Variants in PRKAG2 observed in about 807,000 individuals in gnomAD.
PRKAG2 encodes 5'-AMP-activated protein kinase subunit gamma-2.
PRKAG2 carries 26 observed loss-of-function variants against 69.6 expected under a neutral mutation model. The observed-to-expected ratio is 0.37, with a 90% CI of 0.27 to 0.52. The LOEUF (loss-of-function observed/expected upper bound fraction) is 0.52, where lower values mean the gene tolerates loss of function less well. Ranked by LOEUF, PRKAG2 falls within the 20% of genes least tolerant of loss-of-function variation. The probability of loss-of-function intolerance (pLI) is 0.90; values close to 1 mark genes in which losing one functional copy is unlikely to be tolerated. For missense variants in PRKAG2, 557 were observed against 740.0 expected (o/e 0.75, Z 2.87); for synonymous variants, 293 against 285.0 (o/e 1.03, Z -0.28).
At chr7:151,596,020 T>TAAAATA (rs1314408688) in intron 5 of PRKAG2, among the ~76,000 whole-genome samples, 2 of 149,094 alleles carry the variant, frequency 1.3e-5, no homozygotes, top group African/African-American at 2.5e-5. Context: ...ACTAATAAAA[T>TAAAATA]AAAATAAAAA....
At chr7:151,752,483 G>C (rs1027543080) in intron 3 of PRKAG2, among the ~76,000 whole-genome samples, 1 of 152,152 alleles carries the variant, frequency 6.6e-6, no homozygotes, top group Non-Finnish European at 1.5e-5. Context: ...AAATACGTGG[G>C]TGATGAAATA....
At chr7:151,644,194 G>A (rs1323663254) in intron 4 of PRKAG2, among the ~76,000 whole-genome samples, 1 of 152,076 alleles carries the variant, frequency 6.6e-6, no homozygotes, top group Non-Finnish European at 1.5e-5. Flanking sequence ...ACTTACTCAT[G>A]TAAGTTCATG....
At chr7:151,852,236 C>T (rs181486246) in intron 1 of PRKAG2, among the ~76,000 whole-genome samples, 19 of 152,198 alleles carry the variant, frequency 1.2e-4, no homozygotes, top group Admixed American at 2.6e-4. Flanking sequence ...CACAGAAACT[C>T]GTGCCTGTAA....
intron 3 of PRKAG2, among the ~76,000 whole-genome samples, chr7:151,745,173 G>A (rs182827673): frequency 6.0e-4 from 92 of 152,214 alleles, no homozygotes; most frequent in Middle Eastern, 6.8e-3. Flanking sequence ...GAACCTTTGC[G>A]GATCACGAGG....
At chr7:151,857,042 C>T (rs185540599) in intron 1 of PRKAG2, among the ~76,000 whole-genome samples, 15 of 150,630 alleles carry the variant, frequency 1.0e-4, no homozygotes, top group Admixed American at 3.3e-4. Flanking sequence ...AGACACTAAC[C>T]AGTGTAATTT....
chr7:151,825,960 T>G (rs962714891), intron 1 of PRKAG2, among the ~76,000 whole-genome samples: 64 of 152,222 alleles, frequency 4.2e-4, no homozygotes, highest in African/African-American at 1.5e-3. Context: ...GACCAATTAG[T>G]CTCGGTTTAC....
At chr7:151,675,855 T>C (rs1382009421) in intron 3 of PRKAG2, among the ~76,000 whole-genome samples, 1 of 150,526 alleles carries the variant, frequency 6.6e-6, no homozygotes, top group Non-Finnish European at 1.5e-5. Flanking sequence ...TCACCATTCC[T>C]GGTGCCCAAA....
At chr7:151,623,479 A>ATCTGATAG (rs1380107121) in intron 5 of PRKAG2, among the ~76,000 whole-genome samples, 5 of 148,620 alleles carry the variant, frequency 3.4e-5, no homozygotes, top group African/African-American at 1.2e-4. Flanking sequence ...GCTGCTGTTG[A>ATCTGATAG]TCTGATAGGA....
intron 6 of PRKAG2, among the ~76,000 whole-genome samples, chr7:151,588,497 G>C (rs896548184): frequency 6.6e-6 from 1 of 151,926 alleles, no homozygotes; most frequent in African/African-American, 2.4e-5. Context: ...CAAATAGCTG[G>C]GACCACAGGT....
rs1284657230 is a variant in PRKAG2 at position 151,814,949 on chromosome 7, G to A, written c.115-28408C>T. ...AAGACAGGCAGCAGGATGGAGGGAGGCAGGAGCAGAGGCCGATGATGCAGC... is the reference window on the plus strand; with the variant it reads ...AAGACAGGCAGCAGGATGGAGGGAGACAGGAGCAGAGGCCGATGATGCAGC... On this transcript the variant is annotated intron_variant, in intron 1 of 15. Coordinates refer to ENST00000287878, the MANE Select transcript of PRKAG2 (RefSeq NM_016203.4). This position sits in a 1 kb window ranked among gnomAD's most constrained non-coding sequence, Gnocchi z 4.8. 10 of 1,092,684 alleles carry A rather than the reference G, an allele frequency of 9.2e-6. No homozygotes were observed. The allele number at this position is 1,092,684 out of a possible 1,614,324, so 67.7% of individuals were successfully genotyped here.
rs938113286 is a variant in PRKAG2 at position 151,828,987 on chromosome 7, G to T, written c.115-42446C>A. 1.3e-5 allele frequency among the ~76,000 whole-genome samples: 2 copies of T among 152,120 alleles called. No individual in the cohort carries two copies. On this transcript the variant is annotated intron_variant, in intron 1 of 15. Transcript: ENST00000287878. This position sits in a 1 kb window ranked among gnomAD's most constrained non-coding sequence, Gnocchi z 4.6. The stretch of plus-strand genomic sequence containing the variant: ...TGACGTGTTCTCAATGTGTTAGAAG[G>T]CTTCTTAAATGGGATACCGAAAGCA...
intron 3 of PRKAG2, among the ~76,000 whole-genome samples, chr7:151,744,113 G>T (rs868624329): frequency 2.6e-5 from 4 of 152,148 alleles, no homozygotes; most frequent in African/African-American, 9.7e-5. Context: ...GCGTGAAGGC[G>T]ACCACCCTTC....
rs113922229 is a variant in PRKAG2, at chr7:151,851,977, G to A, written c.114+24530C>T. ...AGGGCAGGGGGCAGTGAGGGGAGGA[G>A]CAAGACTGAAAACGGGTGGCAAGCT... On this transcript the variant is annotated intron_variant, in intron 1 of 15. Coordinates refer to ENST00000287878, the MANE Select transcript of PRKAG2 (RefSeq NM_016203.4). Among the ~76,000 whole-genome samples, 1,163 of 152,302 alleles carry A rather than the reference G, an allele frequency of 7.6e-3. 22 individuals carry two copies. The highest frequency in any genetic ancestry group is 0.027 in the African/African-American group (1,112 of 41,550).
At position 151,608,200 on chromosome 7, in the gene PRKAG2, A is replaced by T. The variant is rs954017944; in HGVS notation, c.755-12746T>A. 4.6e-5 allele frequency among the ~76,000 whole-genome samples: 7 copies of T among 152,220 alleles called. No individual in the cohort carries two copies. In the East Asian group the frequency reaches 1.4e-3, roughly 29 times the overall value. On this transcript the variant is annotated intron_variant, in intron 5 of 15. Transcript: ENST00000287878. ...CCAGAAGGAACCACCCCTGCTGAGGACTTAGGAACCAACCCTGCTGATGAC... is the reference window on the plus strand; with the variant it reads ...CCAGAAGGAACCACCCCTGCTGAGGTCTTAGGAACCAACCCTGCTGATGAC...
intron 1 of PRKAG2, among the ~76,000 whole-genome samples, chr7:151,859,329 G>A (rs932431695): frequency 5.3e-4 from 81 of 152,344 alleles, no homozygotes; most frequent in African/African-American, 1.6e-3. Flanking sequence ...GGAAAGCTGC[G>A]GCAACACCTT....
At chr7:151,703,535 A>G (rs924095977) in intron 3 of PRKAG2, among the ~76,000 whole-genome samples, 2 of 152,082 alleles carry the variant, frequency 1.3e-5, no homozygotes, top group African/African-American at 4.8e-5. Context: ...TAATATAGAA[A>G]AGTGCACACA....
chr7:151,671,018 A>G (rs1712580492), intron 4 of PRKAG2, among the ~76,000 whole-genome samples: 1 of 152,100 alleles, frequency 6.6e-6, no homozygotes, highest in African/African-American at 2.4e-5. Flanking sequence ...TACTAAAAAT[A>G]TAAAAATTAG....
At chr7:151,676,499 A>C (rs987646645) in intron 3 of PRKAG2, among the ~76,000 whole-genome samples, 1 of 152,200 alleles carries the variant, frequency 6.6e-6, no homozygotes, top group Non-Finnish European at 1.5e-5. Flanking sequence ...GGATTGTAGG[A>C]AGACTGGAGA....
intron 3 of PRKAG2, among the ~76,000 whole-genome samples, chr7:151,703,846 AC>A (rs1383423248): frequency 5.9e-3 from 31 of 5,226 alleles, no homozygotes; most frequent in African/African-American, 0.018. Flanking sequence ...TTACTGGAAA[AC>A]ACACACACAC....
Sources: gnomAD v4.1 joint callset for allele counts (sites outside exome capture counted in the v4.1 genomes callset) on GRCh38, gnomAD v4.1.1 for gene constraint, Gnocchi (gnomAD v3.1) non-coding constraint, MANE v1.5 for transcripts, NCBI Gene and HGNC (gene_info 2026-07-23, HGNC 2026-07-21) for gene names.